The following TSG101 variants were observed in gnomAD, a reference collection of about 807,000 sequenced individuals.
TSG101 encodes tumor susceptibility 101.
In TSG101, 19 loss-of-function variants were observed where a neutral mutation model predicts 48.5. The ratio of observed to expected loss-of-function variants is 0.39; its 90% CI spans 0.27 to 0.58. The LOEUF (loss-of-function observed/expected upper bound fraction) is 0.58, where lower values mean the gene tolerates loss of function less well. Ranked by LOEUF, TSG101 falls within the 20% of genes least tolerant of loss-of-function variation. The probability of loss-of-function intolerance (pLI) is 0.55; values close to 1 mark genes in which losing one functional copy is unlikely to be tolerated. For missense variants in TSG101, 365 were observed against 484.4 expected (o/e 0.75, Z 2.31); for synonymous variants, 174 against 169.4 (o/e 1.03, Z -0.21).
intron 1 of TSG101, among the ~76,000 whole-genome samples, chr11:18,525,217 A>C (rs1050384651): frequency 6.6e-6 from 1 of 152,142 alleles, no homozygotes; most frequent in Non-Finnish European, 1.5e-5. Context: ...CCCAAGGACT[A>C]AATCTTAATG....
At chr11:18,507,396 T>C (rs2133922660) in intron 5 of TSG101, among the ~76,000 whole-genome samples, 1 of 152,348 alleles carries the variant, frequency 6.6e-6, no homozygotes, top group South Asian at 2.1e-4. Flanking sequence ...AGAAGTCCTA[T>C]ACAAAACTTA....
chr11:18,497,037 G>A (rs1226277029), intron 7 of TSG101, among the ~76,000 whole-genome samples: 1 of 152,102 alleles, frequency 6.6e-6, no homozygotes, highest in Non-Finnish European at 1.5e-5. Flanking sequence ...GTTGCAGTGA[G>A]CCAAGATCGC....
At chr11:18,487,537 T>A (rs1047768587) in intron 7 of TSG101, among the ~76,000 whole-genome samples, 1 of 152,068 alleles carries the variant, frequency 6.6e-6, no homozygotes, top group Non-Finnish European at 1.5e-5. Flanking sequence ...ACCATTAAAA[T>A]TTTTTTTCTA....
At chr11:18,499,403 T>TATATATATA (rs1554970813) in intron 7 of TSG101, among the ~76,000 whole-genome samples, 1 of 6,846 alleles carries the variant, frequency 1.5e-4, no homozygotes, top group Non-Finnish European at 2.6e-4. Context: ...TATATATATA[T>TATATATATA]TTTTTTTTTT....
chr11:18,522,801 T>A (rs1289652022), intron 1 of TSG101, among the ~76,000 whole-genome samples: 2 of 152,242 alleles, frequency 1.3e-5, no homozygotes, highest in African/African-American at 4.8e-5. Flanking sequence ...CCCTCCTTTG[T>A]TGTTCCTCTA....
At chr11:18,512,852 G>C (rs1222226482) in intron 4 of TSG101, among the ~76,000 whole-genome samples, 2 of 150,306 alleles carry the variant, frequency 1.3e-5, no homozygotes, top group Non-Finnish European at 3.0e-5. Context: ...CTCAGCCTCC[G>C]GAGTAGCTGG....
At chr11:18,481,950 GACAGGCT>G in intron 8 of TSG101, 81 bp from the exon 9 acceptor site, 3 of 1,549,750 alleles carry the variant, frequency 1.9e-6, no homozygotes, top group South Asian at 2.4e-5. Flanking sequence ...CACAGGAAAA[GACAGGCT>G]AACAACCATG....
At chr11:18,485,128 T>TA (rs1461533600) in intron 7 of TSG101, among the ~76,000 whole-genome samples, 2 of 152,068 alleles carry the variant, frequency 1.3e-5, no homozygotes, top group Non-Finnish European at 2.9e-5. Context: ...AATTACCTGT[T>TA]AGATGATCCT....
At chr11:18,498,708 C>A (rs1264427821) in intron 7 of TSG101, among the ~76,000 whole-genome samples, 2 of 152,068 alleles carry the variant, frequency 1.3e-5, no homozygotes, top group Non-Finnish European at 1.5e-5. Context: ...AATTTGAGAA[C>A]TGGGGGCACA....
At chr11:18,521,669 CCTTTTTTTT>C (rs1411143673) in intron 1 of TSG101, among the ~76,000 whole-genome samples, 2 of 111,440 alleles carry the variant, frequency 1.8e-5, no homozygotes, top group East Asian at 2.8e-4. Context: ...CTGGCCCCTT[CCTTTTTTTT>C]TTTTTTTTTT....
At chr11:18,512,179 C>T (rs550414924) in intron 4 of TSG101, among the ~76,000 whole-genome samples, 12 of 152,108 alleles carry the variant, frequency 7.9e-5, no homozygotes, top group East Asian at 1.9e-4. Context: ...CTGAGGCGGA[C>T]GGATCACCTG....
intron 2 of TSG101, among the ~76,000 whole-genome samples, chr11:18,516,518 G>C (rs1260844595): frequency 6.6e-6 from 1 of 151,256 alleles, no homozygotes; most frequent in Non-Finnish European, 1.5e-5. Context: ...CTAATTTTTT[G>C]TATCTTTAGT....
In TSG101 at chr11:18,526,882, C is replaced by A. The variant is rs546481671; in HGVS notation, c.-66G>T. The A allele has an allele frequency of 4.5e-6, 7 of 1,551,464 alleles. No homozygotes were observed. Among genetic ancestry groups the A allele is most frequent in the East Asian group, 2.4e-5 (1 of 42,222 alleles). ...CAGCCGCTGCTGGGCTGCCCCAGAC[C>A]GTCCCACACAATCGCACACCCCCAA... On this transcript the variant is annotated 5_prime_UTR_variant, in exon 1 of 10. Coordinates refer to ENST00000251968, the MANE Select transcript of TSG101 (RefSeq NM_006292.4).
intron 2 of TSG101, among the ~76,000 whole-genome samples, chr11:18,517,418 T>C (rs1481680962): frequency 1.3e-5 from 2 of 152,260 alleles, no homozygotes; most frequent in African/African-American, 4.8e-5. Context: ...TGGACAGCTA[T>C]TATTTCTAAC....
chr11:18,499,393 TATATATATA>T (rs1252812422), intron 7 of TSG101, among the ~76,000 whole-genome samples: 2 of 9,182 alleles, frequency 2.2e-4, no homozygotes, highest in African/African-American at 7.6e-4. Context: ...TATATATATA[TATATATATA>T]TTTTTTTTTT....
At position 18,509,357 on chromosome 11, in the gene TSG101, C is replaced by T. The variant is rs539188980; in HGVS notation, c.481+185G>A. On this transcript the variant is annotated intron_variant, in intron 5 of 9. Coordinates refer to ENST00000251968, the MANE Select transcript of TSG101 (RefSeq NM_006292.4). Reference sequence around the variant, plus strand: ...TTAGATTTCTACCTACAAATGGAAGCCCAAATGCCAGTCTTTGGTGGGAAT... The same window carrying T: ...TTAGATTTCTACCTACAAATGGAAGTCCAAATGCCAGTCTTTGGTGGGAAT... 4.6e-5 allele frequency among the ~76,000 whole-genome samples: 7 copies of T among 152,314 alleles called. No individual in the cohort carries two copies. In the East Asian group the frequency reaches 1.3e-3, roughly 29 times the overall value.
At chr11:18,526,259 T>C (rs1319287008) in intron 1 of TSG101, among the ~76,000 whole-genome samples, 1 of 152,046 alleles carries the variant, frequency 6.6e-6, no homozygotes, top group Non-Finnish European at 1.5e-5. Flanking sequence ...GAAATGGTAA[T>C]GGTATGTATT....
In TSG101 at chr11:18,506,933, A is replaced by AT. The variant is rs1233406163; in HGVS notation, c.482-11dup. The AT allele has an allele frequency of 2.5e-6, 4 of 1,604,068 alleles. No homozygotes were observed. The highest frequency in any genetic ancestry group is 1.1e-5 in the South Asian group (1 of 89,372). ...CCTGGCATGTAGGAAGCTAAAAACAATTTTTTTCACATTGTAAAAATAATA... is the reference window on the plus strand; with the variant it reads ...CCTGGCATGTAGGAAGCTAAAAACAATTTTTTTTCACATTGTAAAAATAATA... On this transcript the variant is annotated splice_polypyrimidine_tract_variant and intron_variant, in intron 5 of 9. Coordinates refer to ENST00000251968, the MANE Select transcript of TSG101 (RefSeq NM_006292.4).
At chr11:18,504,389 G>GT (rs1849936140) in intron 6 of TSG101, among the ~76,000 whole-genome samples, 1 of 151,602 alleles carries the variant, frequency 6.6e-6, no homozygotes, top group Admixed American at 6.6e-5. Context: ...TGTAATCATG[G>GT]TACTTCTCTT....
Sources: gnomAD v4.1 joint callset for allele counts (sites outside exome capture counted in the v4.1 genomes callset) on GRCh38, gnomAD v4.1.1 for gene constraint, MANE v1.5 for transcripts, NCBI Gene and HGNC (gene_info 2026-07-23, HGNC 2026-07-21) for gene names.